RRBP1: variants seen among roughly 807,000 people sequenced by gnomAD.
The protein encoded by RRBP1 is ribosome-binding protein 1.
RRBP1 carries 94 observed loss-of-function variants against 165.2 expected under a neutral mutation model. The ratio of observed to expected loss-of-function variants is 0.57; its 90% CI spans 0.48 to 0.68. The LOEUF (loss-of-function observed/expected upper bound fraction) is 0.68. RRBP1 is among the 30% of genes least tolerant of loss of function. The probability of loss-of-function intolerance (pLI) is 0.00; values close to 1 mark genes in which losing one functional copy is unlikely to be tolerated. For missense variants in RRBP1, 1,676 were observed against 1,763.0 expected, an observed-to-expected ratio of 0.95 and a Z score of 0.88; for synonymous variants, 680 against 714.5, an observed-to-expected ratio of 0.95 and a Z score of 0.77.
intron 11 of RRBP1, 102 bp downstream of exon 11, chr20:17,627,246 G>T: frequency 8.4e-7 from 1 of 1,187,616 alleles, no homozygotes; most frequent in Non-Finnish European, 1.2e-6. Context: ...GGGCTCTTCT[G>T]CAGAGGACCT....
chr20:17,628,306 C>T (rs58103551), intron 9 of RRBP1, among the ~76,000 whole-genome samples: 46 of 152,296 alleles, frequency 3.0e-4, no homozygotes, highest in African/African-American at 1.0e-3. Context: ...AACGCAAACC[C>T]AACATCCCGA....
At chr20:17,636,184 G>A (rs753911474) in intron 6 of RRBP1, among the ~76,000 whole-genome samples, 3 of 152,232 alleles carry the variant, frequency 2.0e-5, no homozygotes, top group Non-Finnish European at 4.4e-5. Context: ...TGATTTTCAG[G>A]CCTTGGTATT....
At chr20:17,642,802 G>C (rs544441093) in intron 4 of RRBP1, among the ~76,000 whole-genome samples, 177 bp downstream of exon 4, 2 of 152,322 alleles carry the variant, frequency 1.3e-5, no homozygotes, top group African/African-American at 4.8e-5. Context: ...CCAGGCCATG[G>C]GTGGCTTGAC....
At chr20:17,625,441 A>G in intron 12 of RRBP1, 71 bp downstream of exon 12, 2 of 1,371,798 alleles carry the variant, frequency 1.5e-6, no homozygotes, top group Non-Finnish European at 2.1e-6. Flanking sequence ...GGTGCCACAT[A>G]GCAGAACCTT....
intron 16 of RRBP1, 57 bp downstream of exon 16, chr20:17,621,401 G>T: frequency 7.2e-7 from 1 of 1,384,998 alleles, no homozygotes; most frequent in Non-Finnish European, 1.0e-6. Context: ...AGGCCCCGAA[G>T]CTCTCCTTCC....
Position 17,658,754 on chromosome 20 carries a change from T to G in RRBP1, c.1754A>C (p.Asn585Thr), listed in dbSNP as rs200926756. 6.2e-7 allele frequency: 1 copy of G among 1,612,668 alleles called. No individual in the cohort carries two copies. The highest frequency in any genetic ancestry group is 8.5e-7 in the Non-Finnish European group (1 of 1,178,774). The change falls in exon 3 of 25, where the codon AAC becomes ACC. Residue 585 changes from asparagine (N) to threonine (T), a missense_variant. Coordinates refer to ENST00000377813, the MANE Select transcript of RRBP1 (RefSeq NM_001365613.2). Reference protein sequence around the residue: ...SEGKKAEGSPNQGKKADAAAN... With the variant: ...SEGKKAEGSPTQGKKADAAAN... ...AGCTGCGTCTGCCTTTTTGCCTTGG[T>G]TGGGGGACCCTTCTGCCTTTTTGCC...
In RRBP1 at chr20:17,624,613, G is replaced by A. The variant is rs1443309399; in HGVS notation, c.3110C>T (p.Ala1037Val). The change falls in exon 13 of 25, where the codon GCC becomes GTC. Residue 1037 changes from alanine (A) to valine (V), a missense_variant. By Grantham distance (64) the Ala-to-Val change is moderately conservative (BLOSUM62 0). Coordinates refer to ENST00000377813, the MANE Select transcript of RRBP1 (RefSeq NM_001365613.2). Reference protein sequence around the residue: ...AMEALATAEQACKEKLLSLTQ... With the variant: ...AMEALATAEQVCKEKLLSLTQ... The stretch of plus-strand genomic sequence containing the variant: ...CAGGGAGAGCAGCTTCTCCTTGCAG[G>A]CCTGCTCGGCCGTGGCCAGTGCCTC... 7 of 1,592,430 alleles carry A rather than the reference G, an allele frequency of 4.4e-6. No individual in the cohort carries two copies. The highest frequency in any genetic ancestry group is 6.0e-6 in the Non-Finnish European group (7 of 1,169,952).
chr20:17,642,369 C>G (rs1242043458), intron 4 of RRBP1, among the ~76,000 whole-genome samples: 1 of 152,056 alleles, frequency 6.6e-6, no homozygotes, highest in East Asian at 1.9e-4. Flanking sequence ...CCAGTAGAGC[C>G]CCCAGTGACG....
intron 12 of RRBP1, 110 bp from the exon 13 acceptor site, chr20:17,624,778 C>T (rs764727213): frequency 1.4e-5 from 10 of 739,944 alleles, no homozygotes; most frequent in Non-Finnish European, 2.3e-5. Flanking sequence ...CCACCCTGGC[C>T]CACAGAGGAC....
At chr20:17,624,888 G>A (rs1239957319) in intron 12 of RRBP1, among the ~76,000 whole-genome samples, 1 of 152,246 alleles carries the variant, frequency 6.6e-6, no homozygotes, top group Non-Finnish European at 1.5e-5. Context: ...GGCACAGGGT[G>A]AAGAGGTGGC....
At chr20:17,622,102 TCCATGGGGCTGA>T (rs1487591643) in intron 13 of RRBP1, among the ~76,000 whole-genome samples, 155 bp from the exon 14 acceptor site, 1 of 152,154 alleles carries the variant, frequency 6.6e-6, no homozygotes, top group East Asian at 1.9e-4. Context: ...AAGATGAGGC[TCCATGGGGCTGA>T]CTGTAAGCAG....
At chr20:17,632,591 G>C (rs1419768668) in intron 8 of RRBP1, among the ~76,000 whole-genome samples, 5 of 152,218 alleles carry the variant, frequency 3.3e-5, no homozygotes, top group African/African-American at 1.2e-4. Context: ...CTAGTTCCAA[G>C]AGGCAGCACT....
chr20:17,614,960 G>T, intron 23 of RRBP1, 80 bp from the exon 24 acceptor site: 1 of 1,502,810 alleles, frequency 6.7e-7, no homozygotes, highest in Non-Finnish European at 9.1e-7. Flanking sequence ...GGACCCTGAC[G>T]CCAGGGGCTG....
In RRBP1 at chr20:17,629,847, G is replaced by A; in HGVS notation, c.2725C>T (p.Gln909Ter). 1 of 1,599,274 alleles carries A rather than the reference G, an allele frequency of 6.3e-7. No individual in the cohort carries two copies. Among genetic ancestry groups the A allele is most frequent in the Non-Finnish European group, 8.5e-7 (1 of 1,179,320 alleles). Reference protein sequence around the residue: ...ASLRADAEKAQEQQQQMAELH... With the variant: ...ASLRADAEKA ...CCGGCCATCTGCTGCTGTTGCTCCTGGGCCTTCTCGGCATCCGCCCGGAGG... is the reference window on the plus strand; with the variant it reads ...CCGGCCATCTGCTGCTGTTGCTCCTAGGCCTTCTCGGCATCCGCCCGGAGG... The change falls in exon 9 of 25, where the codon CAG (glutamine) becomes TAG (stop). Residue 909 changes from glutamine to a stop codon, truncating the protein, a stop_gained. Transcript: ENST00000377813. LOFTEE classifies it high-confidence loss of function.
chr20:17,668,532 AC>A (rs901803067), intron 2 of RRBP1, among the ~76,000 whole-genome samples: 4 of 152,172 alleles, frequency 2.6e-5, no homozygotes, highest in Non-Finnish European at 5.9e-5. Context: ...ACTAACTTTT[AC>A]AAGAGGCATG....
At chr20:17,681,550 A>C (rs1232077150) in intron 1 of RRBP1, among the ~76,000 whole-genome samples, 5 of 145,304 alleles carry the variant, frequency 3.4e-5, no homozygotes, top group African/African-American at 7.6e-5. Context: ...TTCCGCCCGC[A>C]CCCCACCCCT....
intron 1 of RRBP1, among the ~76,000 whole-genome samples, chr20:17,681,016 C>T (rs2037171906): frequency 6.6e-6 from 1 of 152,044 alleles, no homozygotes; most frequent in Admixed American, 6.5e-5. Context: ...GAGAGGGGTC[C>T]CTGAAGCACT....
chr20:17,618,753 G>T, intron 19 of RRBP1, 74 bp from the exon 20 acceptor site: 1 of 1,181,480 alleles, frequency 8.5e-7, no homozygotes, highest in Non-Finnish European at 1.2e-6. Flanking sequence ...GTGAGTTAGC[G>T]CCGAAACATA....
Position 17,641,686 on chromosome 20 carries a change from A to G in RRBP1, c.2184+111T>C, listed in dbSNP as rs531210855. ...CTACTCAGCAGCCTGACAGCCAGCT[A>G]CGTTCCAGGCAGGCCCCAGCATCTC... is the stretch of plus-strand genomic sequence containing the variant. On this transcript the variant is annotated intron_variant, in intron 5 of 24. Coordinates refer to ENST00000377813, the MANE Select transcript of RRBP1 (RefSeq NM_001365613.2). 578 of 1,332,570 alleles carry G rather than the reference A, an allele frequency of 4.3e-4. 10 individuals carry two copies. The South Asian group carries it at 6.5e-3, about 15-fold the overall frequency. The allele number at this position is 1,332,570 out of a possible 1,614,324, so 82.5% of individuals were successfully genotyped here. A position where few individuals can be genotyped will look rare whatever the true frequency, so the allele number is the denominator to read the frequency against.
Sources: allele counts gnomAD v4.1 joint callset (sites outside exome capture counted in the v4.1 genomes callset), GRCh38; gene constraint gnomAD v4.1.1; transcripts MANE v1.5; gene names NCBI Gene and HGNC (gene_info 2026-07-23, HGNC 2026-07-21).